HEXA: variants seen among roughly 807,000 people sequenced by gnomAD.
HEXA encodes the protein beta-hexosaminidase subunit alpha.
A neutral mutation model predicts 73.3 loss-of-function variants in HEXA; 54 were observed. That is an observed-to-expected ratio of 0.74 (90% CI 0.59 to 0.92). The LOEUF (loss-of-function observed/expected upper bound fraction) is 0.92. Ranked by LOEUF, HEXA falls within the 40% of genes least tolerant of loss-of-function variation. HEXA has a pLI of 0.00. For missense variants in HEXA, 649 were observed against 653.0 expected (o/e 0.99, Z 0.07); for synonymous variants, 230 against 246.9 (o/e 0.93, Z 0.64).
intron 1 of HEXA, among the ~76,000 whole-genome samples, chr15:72,361,982 T>C (rs896355772): frequency 6.6e-6 from 1 of 152,236 alleles, no homozygotes; most frequent in African/African-American, 2.4e-5. Context: ...GATAAGAGCA[T>C]GACAGTCTCC....
chr15:72,349,245 G>A lies in HEXA; in HGVS notation c.820C>T (p.Leu274=). The part of the protein sequence containing the change: ...LSWGPGIPGL[L]TPCYSGSEPS... Reference sequence around the variant, plus strand: ...TCAGACCCAGAGTAGCAAGGAGTCAGTAATCCAGGGATACCTAAGCCAAGA... The same window carrying A: ...TCAGACCCAGAGTAGCAAGGAGTCAATAATCCAGGGATACCTAAGCCAAGA... The change falls in exon 8 of 14, where the codon CTG becomes TTG. Residue 274 remains leucine, a synonymous_variant. Transcript: ENST00000268097. 3 of 1,614,004 alleles carry A rather than the reference G, an allele frequency of 1.9e-6. No homozygotes were observed.
At chr15:72,367,373 T>A (rs1372844842) in intron 1 of HEXA, among the ~76,000 whole-genome samples, 2 of 152,170 alleles carry the variant, frequency 1.3e-5, no homozygotes, top group Non-Finnish European at 2.9e-5. Context: ...TCAGCACCCT[T>A]TCCCTCCAAC....
At position 72,348,154 on chromosome 15, in the gene HEXA, G is replaced by C; in HGVS notation, c.987-20C>G. On this transcript the variant is annotated intron_variant, in intron 8 of 13. Coordinates refer to ENST00000268097, the MANE Select transcript of HEXA (RefSeq NM_000520.6). ...GACTTCCTGAATCCCAAGAGAAAAT[G>C]AAGATTAATCTTTCAACATCCTGAA... The C allele has an allele frequency of 6.4e-7, 1 of 1,550,920 alleles. No homozygotes were observed. The highest frequency in any genetic ancestry group is 2.2e-5 in the East Asian group (1 of 44,596).
chr15:72,353,842 G>T, intron 3 of HEXA, 105 bp from the exon 4 acceptor site: 2 of 853,302 alleles, frequency 2.3e-6, no homozygotes, highest in Non-Finnish European at 2.0e-6. Flanking sequence ...TGGGTACACA[G>T]GGAAAATGGA....
Position 72,351,742 on chromosome 15 carries a change from T to C in HEXA, c.571-508A>G, listed in dbSNP as rs985510702. 1.6e-5 allele frequency: 3 copies of C among 188,852 alleles called. No individual in the cohort carries two copies. In the Admixed American group the frequency reaches 1.6e-4, roughly 10 times the overall value. 11.7% of individuals were successfully genotyped at this position (188,852 alleles called of 1,614,324 possible). A position where few individuals can be genotyped will look rare whatever the true frequency, so the allele number is the denominator to read the frequency against. On this transcript the variant is annotated intron_variant, in intron 5 of 13. Transcript: ENST00000268097. ...CAAAGGAAAAGGCAGACACAGGAAC[T>C]GGATTGGGAACTGTCAGATAAGACT...
intron 5 of HEXA, chr15:72,351,585 A>G: frequency 5.4e-6 from 2 of 368,766 alleles, no homozygotes; most frequent in Non-Finnish European, 1.0e-5. Flanking sequence ...TCCTCTTGCC[A>G]TTTGTGTTCG....
At position 72,376,014 on chromosome 15, in the gene HEXA, G is replaced by A. The variant is rs1273002353; in HGVS notation, c.-42C>T. 1.2e-6 allele frequency: 2 copies of A among 1,606,498 alleles called. No homozygotes were observed. The highest frequency in any genetic ancestry group is 1.7e-5 in the Admixed American group (1 of 59,976). ...CTCTCGGAGGGGGCTGGCCACGTGA[G>A]ACCCTGGTCAGGTGAGCGGCGCCCC... is the stretch of plus-strand genomic sequence containing the variant. On this transcript the variant is annotated 5_prime_UTR_variant, in exon 1 of 14. Coordinates refer to ENST00000268097, the MANE Select transcript of HEXA (RefSeq NM_000520.6).
chr15:72,349,745 A>C (rs1473686011), intron 7 of HEXA, among the ~76,000 whole-genome samples: 2 of 151,994 alleles, frequency 1.3e-5, no homozygotes, highest in East Asian at 3.9e-4. Context: ...AGATATCTTC[A>C]GGGTTTTTTT....
intron 5 of HEXA, chr15:72,351,488 T>A (rs2088695672): frequency 7.1e-6 from 4 of 564,448 alleles, no homozygotes; most frequent in Non-Finnish European, 3.2e-6. Flanking sequence ...TCTTTCCTCT[T>A]CTTGAAATAA....
In HEXA at chr15:72,346,578, A is replaced by G; in HGVS notation, c.1279T>C (p.Tyr427His). 1 of 1,614,062 alleles carries G rather than the reference A, an allele frequency of 6.2e-7. No homozygotes were observed. The highest frequency in any genetic ancestry group is 8.5e-7 in the Non-Finnish European group (1 of 1,179,984). Residue 427 changes from tyrosine to histidine, a missense_variant, in exon 11 of 14, where the codon TAT becomes CAT. Physicochemically the swap from Tyr to His is moderately conservative, Grantham distance 83. Coordinates refer to ENST00000268097, the MANE Select transcript of HEXA (RefSeq NM_000520.6). ...SAPWYLNRIS[Y>H]GPDWKDFYIV... Reference sequence around the variant, plus strand: ...TAGAAATCCTTCCAGTCAGGGCCATAGGATATACGGTTCAGGTACCAGGGG... The same window carrying G: ...TAGAAATCCTTCCAGTCAGGGCCATGGGATATACGGTTCAGGTACCAGGGG...
At chr15:72,352,902 G>A (rs1001706537) in intron 5 of HEXA, among the ~76,000 whole-genome samples, 166 bp downstream of exon 5, 1 of 152,152 alleles carries the variant, frequency 6.6e-6, no homozygotes, top group African/African-American at 2.4e-5. Flanking sequence ...GACTTCAGGT[G>A]ATCCGCCCAC....
In HEXA at chr15:72,347,711, T is replaced by TGCC; in HGVS notation, c.1118_1120dup (p.Trp373_Gln374insArg). 2 of 1,614,196 alleles carry TGCC rather than the reference T, an allele frequency of 1.2e-6. No individual in the cohort carries two copies. The highest frequency in any genetic ancestry group is 1.7e-6 in the Non-Finnish European group (2 of 1,180,038). ...CTTTACTTTATTATCAAACACCTCC[T>TGCC]GCCACACCACATAGCCCTTGCCATA... is the stretch of plus-strand genomic sequence containing the variant. On this transcript the variant is annotated inframe_insertion, in exon 10 of 14. Coordinates refer to ENST00000268097, the MANE Select transcript of HEXA (RefSeq NM_000520.6).
intron 1 of HEXA, among the ~76,000 whole-genome samples, chr15:72,375,085 T>TTGTTTG (rs751531832): frequency 6.1e-4 from 84 of 137,200 alleles, no homozygotes; most frequent in African/African-American, 1.7e-3. Context: ...TTGTTTTGTT[T>TTGTTTG]GGGGGGGGGG....
At chr15:72,375,063 T>C (rs2089042233) in intron 1 of HEXA, among the ~76,000 whole-genome samples, 1 of 140,990 alleles carries the variant, frequency 7.1e-6, no homozygotes, top group Non-Finnish European at 1.6e-5. Flanking sequence ...TTTACACTTT[T>C]TTTGTTTTGT....
intron 1 of HEXA, among the ~76,000 whole-genome samples, chr15:72,369,236 G>A (rs1457200125): frequency 5.3e-5 from 8 of 152,168 alleles, no homozygotes. Context: ...ATTACAGCCA[G>A]GAATACAGAA....
chr15:72,346,765 C>A, intron 10 of HEXA, 55 bp from the exon 11 acceptor site: 1 of 1,543,152 alleles, frequency 6.5e-7, no homozygotes, highest in South Asian at 1.1e-5. Context: ...GATTCCTGGG[C>A]CTTATTCATA....
In HEXA at chr15:72,346,707, G is replaced by T; in HGVS notation, c.1150C>A (p.Gln384Lys). Residue 384 changes from glutamine (Q) to lysine (K), a missense_variant, in exon 11 of 14, where the codon CAG becomes AAG. Gln to Lys is a moderately conservative substitution (Grantham distance 53, BLOSUM62 1). Transcript: ENST00000268097. ...CACACCTGTATGATTGTGTCTGGCTGAATCTGTTATAAAAGGTCAAATGGC... is the reference window on the plus strand; with the variant it reads ...CACACCTGTATGATTGTGTCTGGCTTAATCTGTTATAAAAGGTCAAATGGC... ...QEVFDNKVKI[Q>K]PDTIIQVWRE... 2 of 1,613,996 alleles carry T rather than the reference G, an allele frequency of 1.2e-6. No individual in the cohort carries two copies. The highest frequency in any genetic ancestry group is 1.7e-6 in the Non-Finnish European group (2 of 1,179,944).
At chr15:72,359,645 G>C (rs999177886) in intron 1 of HEXA, 3 of 119,436 alleles carry the variant, frequency 2.5e-5, no homozygotes, top group Non-Finnish European at 3.2e-5. Context: ...ACAGTGAGCA[G>C]AGACTGCACC....
At chr15:72,347,374 C>A (rs1416941705) in intron 10 of HEXA, among the ~76,000 whole-genome samples, 2 of 151,116 alleles carry the variant, frequency 1.3e-5, no homozygotes, top group Non-Finnish European at 3.0e-5. Flanking sequence ...TGGGCTCAAG[C>A]AGTACCCCAA....
Sources: gnomAD v4.1 joint callset for allele counts (sites outside exome capture counted in the v4.1 genomes callset) on GRCh38, gnomAD v4.1.1 for gene constraint, MANE v1.5 for transcripts, NCBI Gene and HGNC (gene_info 2026-07-23, HGNC 2026-07-21) for gene names.